The following PPIP5K2 variants were observed in gnomAD, a reference collection of about 807,000 sequenced individuals.
The protein encoded by PPIP5K2 is diphosphoinositol pentakisphosphate kinase 2, also known as inositol hexakisphosphate and diphosphoinositol-pentakisphosphate kinase 2.
In PPIP5K2, 105 loss-of-function variants were observed where a neutral mutation model predicts 154.6. The observed-to-expected ratio is 0.68, with a 90% CI of 0.58 to 0.80. The LOEUF is 0.80. Among genes scored for constraint, PPIP5K2 ranks in the 30% least tolerant of loss-of-function variants. The pLI, the probability that PPIP5K2 is intolerant of heterozygous loss-of-function variation, is 0.00. For synonymous variants in PPIP5K2, 480 were observed against 490.3 expected, an observed-to-expected ratio of 0.98 and a Z score of 0.28; for missense variants, 992 against 1,504.6, an observed-to-expected ratio of 0.66 and a Z score of 5.64.
chr5:103,178,712 G>A (rs1049197747), intron 23 of PPIP5K2, among the ~76,000 whole-genome samples: 13 of 151,344 alleles, frequency 8.6e-5, no homozygotes, highest in Non-Finnish European at 1.9e-4. Flanking sequence ...TCTAGTCTAA[G>A]GACTTGGTAT....
chr5:103,187,473 T>A, intron 28 of PPIP5K2, 97 bp downstream of exon 28: 1 of 949,858 alleles, frequency 1.1e-6, no homozygotes, highest in East Asian at 2.7e-5. Context: ...ATCATTCATT[T>A]CTTCATCCTT....
intron 9 of PPIP5K2, among the ~76,000 whole-genome samples, chr5:103,152,248 T>A (rs991936262): frequency 3.9e-5 from 6 of 151,920 alleles, no homozygotes; most frequent in African/African-American, 7.2e-5. Flanking sequence ...ATAGTAGTGA[T>A]TTGTTAAGAT....
At chr5:103,138,799 G>C (rs896293855) in intron 5 of PPIP5K2, among the ~76,000 whole-genome samples, 7 of 152,160 alleles carry the variant, frequency 4.6e-5, no homozygotes, top group Non-Finnish European at 8.8e-5. Flanking sequence ...ATTGAATTAA[G>C]TATTAGAAAC....
chr5:103,173,307 A>G (rs782570784), intron 20 of PPIP5K2, 25 bp downstream of exon 20: 1 of 1,591,306 alleles, frequency 6.3e-7, no homozygotes. Context: ...TGGTTATTTA[A>G]ATCTCTAGGC....
intron 29 of PPIP5K2, among the ~76,000 whole-genome samples, chr5:103,192,539 A>G (rs918456470): frequency 6.7e-6 from 1 of 150,202 alleles, no homozygotes; most frequent in South Asian, 2.1e-4. Flanking sequence ...AGATCTCAAC[A>G]CTATTTAGAT....
intron 30 of PPIP5K2, among the ~76,000 whole-genome samples, chr5:103,198,531 G>C (rs781956518): frequency 6.6e-6 from 1 of 152,080 alleles, no homozygotes; most frequent in Non-Finnish European, 1.5e-5. Flanking sequence ...AGAATTGTCT[G>C]TTTCTCCCTT....
At chr5:103,196,021 G>T (rs1464645479) in intron 30 of PPIP5K2, among the ~76,000 whole-genome samples, 1 of 152,070 alleles carries the variant, frequency 6.6e-6, no homozygotes, top group Admixed American at 6.6e-5. Context: ...TGTCAGAAAT[G>T]ATTGCAATCT....
intron 17 of PPIP5K2, among the ~76,000 whole-genome samples, chr5:103,166,193 A>G (rs1466853637): frequency 1.3e-5 from 2 of 152,048 alleles, no homozygotes; most frequent in African/African-American, 2.4e-5. Context: ...CGCTCAAGGC[A>G]TTTTGCTTGC....
In PPIP5K2 at chr5:103,151,340, A is replaced by G. The variant is rs782016655; in HGVS notation, c.994A>G (p.Met332Val). The G allele has an allele frequency of 3.1e-6, 5 of 1,610,416 alleles. No individual in the cohort carries two copies. Among genetic ancestry groups the G allele is most frequent in the South Asian group, 1.1e-5 (1 of 90,786 alleles). Residue 332 changes from methionine to valine, a missense_variant, in exon 9 of 31, where the codon ATG becomes GTG. Met to Val is a conservative substitution (Grantham distance 21). Around this residue, in one of 9 missense-constraint regions of PPIP5K2, gnomAD observed 163 missense variants for 285.2 expected, o/e 0.57. Coordinates refer to ENST00000358359, the MANE Select transcript of PPIP5K2 (RefSeq NM_001276277.3). ...VNGFSFVKNS[M>V]KYYDDCAKIL... is the part of the protein sequence containing the mutation. ...TGGCTTCAGTTTTGTGAAAAATTCC[A>G]TGAAGTATTATGATGACTGTGCAAA...
At chr5:103,126,564 A>G (rs1300121007) in intron 1 of PPIP5K2, among the ~76,000 whole-genome samples, 2 of 152,148 alleles carry the variant, frequency 1.3e-5, no homozygotes, top group Admixed American at 6.5e-5. Context: ...ATTAAGTAGT[A>G]TTAAGTCACA....
chr5:103,154,616 A>G, intron 11 of PPIP5K2, 54 bp from the exon 12 acceptor site: 1 of 1,062,098 alleles, frequency 9.4e-7, no homozygotes. Flanking sequence ...TTAAACATAT[A>G]TTGGTAATGT....
chr5:103,124,799 T>C (rs1789376859), intron 1 of PPIP5K2, among the ~76,000 whole-genome samples: 1 of 152,196 alleles, frequency 6.6e-6, no homozygotes, highest in Admixed American at 6.5e-5. Context: ...AATTAATTTC[T>C]TGGCATACTT....
At chr5:103,155,801 G>A (rs937132582) in intron 13 of PPIP5K2, 108 bp from the exon 14 acceptor site, 4 of 753,392 alleles carry the variant, frequency 5.3e-6, no homozygotes, top group Non-Finnish European at 9.0e-6. Context: ...TTTTTTGATA[G>A]AATATTTCGA....
At position 103,206,447 on chromosome 5, in the gene PPIP5K2, C is replaced by T. The variant is rs1410452431; in HGVS notation, c.*4813C>T. On this transcript the variant is annotated 3_prime_UTR_variant, in exon 31 of 31. Transcript: ENST00000358359. ...CCAACTTCTTTGATCATCTACTCAC[C>T]CCTAGATAAATAGAATACTCCAGGA... 6.6e-6 allele frequency: 1 copy of T among 152,052 alleles called. No individual in the cohort carries two copies. Among genetic ancestry groups the T allele is most frequent in the Non-Finnish European group, 1.5e-5 (1 of 68,024 alleles). 9.4% of individuals were successfully genotyped at this position (152,052 alleles called of 1,614,324 possible). A position where few individuals can be genotyped will look rare whatever the true frequency, so the allele number is the denominator to read the frequency against.
intron 1 of PPIP5K2, among the ~76,000 whole-genome samples, chr5:103,121,826 T>C (rs1184992865): frequency 5.3e-5 from 8 of 152,216 alleles, no homozygotes; most frequent in African/African-American, 1.9e-4. Context: ...AACTGAACAA[T>C]TGGTAGAACA....
intron 21 of PPIP5K2, among the ~76,000 whole-genome samples, chr5:103,175,279 C>G (rs1361608327): frequency 6.6e-6 from 1 of 151,982 alleles, no homozygotes; most frequent in Non-Finnish European, 1.5e-5. Flanking sequence ...AAGTTCTGTT[C>G]CAATTAAAAT....
At chr5:103,167,033 G>T in intron 17 of PPIP5K2, 146 bp from the exon 18 acceptor site, 1 of 546,414 alleles carries the variant, frequency 1.8e-6, no homozygotes, top group Admixed American at 3.8e-5. Context: ...AACCTGTGGT[G>T]TTCAAGGGTC....
chr5:103,178,517 G>T (rs1799047544), intron 23 of PPIP5K2, among the ~76,000 whole-genome samples: 1 of 151,490 alleles, frequency 6.6e-6, no homozygotes, highest in Admixed American at 6.6e-5. Context: ...TTGATATTGA[G>T]TATAGAACTC....
chr5:103,142,214 C>A (rs375876094), intron 5 of PPIP5K2, among the ~76,000 whole-genome samples: 1 of 152,320 alleles, frequency 6.6e-6, no homozygotes, highest in Admixed American at 6.5e-5. Context: ...AGAAATCCAG[C>A]GCAGCGCCGG....
Sources: gnomAD v4.1 joint callset for allele counts (sites outside exome capture counted in the v4.1 genomes callset) on GRCh38, gnomAD v4.1.1 for gene constraint, gnomAD v4.1.1 regional missense constraint, MANE v1.5 for transcripts, NCBI Gene and HGNC (gene_info 2026-07-23, HGNC 2026-07-21) for gene names.